DIXDC1: variants seen among roughly 807,000 people sequenced by gnomAD.
DIXDC1 encodes DIX domain containing 1.
A neutral mutation model predicts 103.1 loss-of-function variants in DIXDC1; 64 were observed. The observed-to-expected ratio is 0.62, with a 90% CI of 0.51 to 0.76. The LOEUF is 0.76. Among genes scored for constraint, DIXDC1 ranks in the 30% least tolerant of loss-of-function variants. The probability of loss-of-function intolerance (pLI) is 0.00; values close to 1 mark genes in which losing one functional copy is unlikely to be tolerated. For synonymous variants in DIXDC1, 266 were observed against 298.5 expected (o/e 0.89, Z 1.12); for missense variants, 759 against 834.2 (o/e 0.91, Z 1.11).
chr11:112,006,542 CT>C (rs1555176634), intron 17 of DIXDC1, among the ~76,000 whole-genome samples: 1 of 152,216 alleles, frequency 6.6e-6, no homozygotes, highest in African/African-American at 2.4e-5. Flanking sequence ...TAGGGGATGA[CT>C]TACATCTCAT....
intron 17 of DIXDC1, among the ~76,000 whole-genome samples, chr11:112,006,211 G>T (rs1341145164): frequency 6.6e-6 from 1 of 152,244 alleles, no homozygotes; most frequent in Non-Finnish European, 1.5e-5. Context: ...ATTGAACTGC[G>T]AGGCAACAGC....
chr11:112,016,913 C>T, intron 18 of DIXDC1, 117 bp downstream of exon 18: 1 of 808,374 alleles, frequency 1.2e-6, no homozygotes, highest in Non-Finnish European at 1.9e-6. Context: ...AGTGAGATCT[C>T]ACTATAGTGA....
chr11:111,929,767 T>TG (rs1316692492), intron 1 of DIXDC1: 1 of 1,288,036 alleles, frequency 7.8e-7, no homozygotes, highest in Non-Finnish European at 1.1e-6. Context: ...GCTTTAAATT[T>TG]TTTTTTTCCT....
Position 111,974,270 on chromosome 11 carries a change from T to C in DIXDC1, c.548+16T>C. The C allele has an allele frequency of 6.2e-7, 1 of 1,604,224 alleles. No homozygotes were observed. Among genetic ancestry groups the C allele is most frequent in the South Asian group, 1.1e-5 (1 of 89,134 alleles). On this transcript the variant is annotated intron_variant, in intron 4 of 19. Coordinates refer to ENST00000440460, the MANE Select transcript of DIXDC1 (RefSeq NM_001037954.4). ...ATAGACAGAGGTAAGGGTAGAAATCTGGGGGTGGGAACTGATCCCTCTCTC... is the reference window on the plus strand; with the variant it reads ...ATAGACAGAGGTAAGGGTAGAAATCCGGGGGTGGGAACTGATCCCTCTCTC...
chr11:112,013,332 T>TG (rs1227115079), intron 17 of DIXDC1, among the ~76,000 whole-genome samples: 196 of 28,112 alleles, frequency 7.0e-3, no homozygotes, highest in Middle Eastern at 0.02. Context: ...GGGGGTGGGG[T>TG]GGGGGGGGGG....
chr11:111,950,877 C>T (rs1470299897), intron 1 of DIXDC1, among the ~76,000 whole-genome samples: 7 of 152,154 alleles, frequency 4.6e-5, no homozygotes, highest in African/African-American at 7.2e-5. Flanking sequence ...CTTTGTGTTA[C>T]AAATAACCTA....
chr11:112,006,947 C>A (rs188259970), intron 17 of DIXDC1, among the ~76,000 whole-genome samples: 1 of 152,136 alleles, frequency 6.6e-6, no homozygotes. Flanking sequence ...CAAAGTTGGA[C>A]GGAGAATGAC....
At chr11:112,014,210 C>G (rs1555177487) in intron 17 of DIXDC1, among the ~76,000 whole-genome samples, 1 of 152,174 alleles carries the variant, frequency 6.6e-6, no homozygotes, top group African/African-American at 2.4e-5. Flanking sequence ...CCCATCCAAT[C>G]CATACTTTGC....
chr11:111,975,919 A>T (rs1860082298), intron 5 of DIXDC1: 1 of 953,324 alleles, frequency 1.0e-6, no homozygotes, highest in Admixed American at 6.2e-5. Context: ...TACCTTTTTT[A>T]CATTTAATAG....
rs73560049 is a variant in DIXDC1 at position 111,927,485 on chromosome 11, T to A, written c.-37+98T>A. ...CGGAGGTGGCGAGGATGAAGTGGGT[T>A]AGAGGAGGCTAAAATTTCAAAGACC... On this transcript the variant is annotated intron_variant, in intron 1 of 5. Transcript: ENST00000529225. The A allele has an allele frequency of 0.033, 5,018 of 152,522 alleles. 205 individuals are homozygous for A. The highest frequency in any genetic ancestry group is 0.092 in the African/African-American group (3,828 of 41,512). 9.4% of individuals were successfully genotyped at this position (152,522 alleles called of 1,614,324 possible). A position where few individuals can be genotyped will look rare whatever the true frequency, so the allele number is the denominator to read the frequency against.
At chr11:111,953,370 C>T (rs1555170271) in intron 1 of DIXDC1, among the ~76,000 whole-genome samples, 1 of 152,164 alleles carries the variant, frequency 6.6e-6, no homozygotes, top group African/African-American at 2.4e-5. Context: ...GGCACAGTGG[C>T]TCACTCCTGT....
upstream of DIXDC1, chr11:111,937,242 C>G (rs986981182): frequency 8.1e-5 from 98 of 1,215,890 alleles, no homozygotes; most frequent in Non-Finnish European, 9.8e-5. Context: ...CCGGCAGCGC[C>G]GCTCAACCTA....
intron 7 of DIXDC1, 79 bp from the exon 8 acceptor site, chr11:111,985,153 G>T: frequency 8.8e-7 from 1 of 1,142,384 alleles, no homozygotes; most frequent in South Asian, 1.3e-5. Flanking sequence ...TTTAACTTGG[G>T]GTGAGCTTAC....
rs1055359877 is a variant in DIXDC1, at chr11:111,976,864, G to A, written c.656+1881G>A. ...AAAAAGAACACACGAAACGCCAGAG[G>A]GGAAGGTGGGAGGGGATAGGTGCTC... is the stretch of plus-strand genomic sequence containing the variant. On this transcript the variant is annotated intron_variant, in intron 5 of 19. Coordinates refer to ENST00000440460, the MANE Select transcript of DIXDC1 (RefSeq NM_001037954.4). The surrounding 1 kb of genome is among the most constrained non-coding windows in gnomAD (Gnocchi z 4.3). The A allele has an allele frequency of 1.3e-5, 2 of 152,654 alleles. No homozygotes were observed. Among genetic ancestry groups the A allele is most frequent in the Non-Finnish European group, 2.9e-5 (2 of 68,182 alleles). 9.5% of individuals were successfully genotyped at this position (152,654 alleles called of 1,614,324 possible). A position where few individuals can be genotyped will look rare whatever the true frequency, so the allele number is the denominator to read the frequency against.
chr11:111,943,699 A>G (rs1592544973), intron 1 of DIXDC1, among the ~76,000 whole-genome samples: 1 of 150,892 alleles, frequency 6.6e-6, no homozygotes, highest in East Asian at 2.0e-4. Context: ...ATGGGATTTC[A>G]CCGTGTTATC....
At chr11:111,987,881 A>G (rs918284772) in intron 9 of DIXDC1, among the ~76,000 whole-genome samples, 8 of 151,978 alleles carry the variant, frequency 5.3e-5, no homozygotes, top group Non-Finnish European at 1.2e-4. Context: ...GCTTGTCTTG[A>G]ACGGCTGACT....
chr11:111,947,650 T>TA (rs1966643539), intron 1 of DIXDC1, among the ~76,000 whole-genome samples: 2 of 152,232 alleles, frequency 1.3e-5, no homozygotes, highest in East Asian at 3.9e-4. Context: ...AAATTAGACA[T>TA]AAAGGGAGAG....
intron 2 of DIXDC1, among the ~76,000 whole-genome samples, chr11:111,931,347 T>G (rs911120423): frequency 6.6e-6 from 1 of 151,734 alleles, no homozygotes; most frequent in African/African-American, 2.4e-5. Context: ...TCAAAAAAAA[T>G]TTTTTTAAAG....
At chr11:111,968,769 T>G (rs1859816778) in intron 3 of DIXDC1, 131 bp downstream of exon 3, 3 of 1,142,110 alleles carry the variant, frequency 2.6e-6, no homozygotes, top group Non-Finnish European at 3.5e-6. Flanking sequence ...TTTTTATTTT[T>G]TATTTCATGA....
Sources: allele counts gnomAD v4.1 joint callset (sites outside exome capture counted in the v4.1 genomes callset), GRCh38; gene constraint gnomAD v4.1.1; non-coding constraint Gnocchi (gnomAD v3.1); transcripts MANE v1.5; gene names NCBI Gene and HGNC (gene_info 2026-07-23, HGNC 2026-07-21).